The following ACBD6 variants were observed in gnomAD, a reference collection of about 807,000 sequenced individuals.
ACBD6 encodes acyl-CoA binding domain containing 6.
Under a neutral mutation model 37.2 loss-of-function variants are expected in ACBD6, and 28 were observed. The ratio of observed to expected loss-of-function variants is 0.75; its 90% CI spans 0.56 to 1.03. The LOEUF is 1.03. Ranked by LOEUF, ACBD6 falls within the 50% of genes least tolerant of loss-of-function variation. The pLI is 0.00. For missense variants in ACBD6, 340 were observed against 337.4 expected (o/e 1.01, Z -0.06); for synonymous variants, 113 against 126.8 (o/e 0.89, Z 0.73).
At chr1:180,432,871 C>T (rs1407021181) in intron 3 of ACBD6, among the ~76,000 whole-genome samples, 2 of 151,700 alleles carry the variant, frequency 1.3e-5, no homozygotes, top group African/African-American at 4.8e-5. Context: ...AATCAAAAAT[C>T]TGACAGACCT....
At chr1:180,338,371 C>T (rs1313347453) in intron 6 of ACBD6, among the ~76,000 whole-genome samples, 5 of 152,124 alleles carry the variant, frequency 3.3e-5, no homozygotes, top group Admixed American at 2.6e-4. Context: ...AGAAATAATG[C>T]CACACATCTA....
At chr1:180,458,943 A>C (rs1571538644) in intron 3 of ACBD6, among the ~76,000 whole-genome samples, 1 of 152,312 alleles carries the variant, frequency 6.6e-6, no homozygotes, top group South Asian at 2.1e-4. Flanking sequence ...ATGCAGTACA[A>C]TCACACTTAG....
chr1:180,394,934 A>AT (rs1397674479), intron 6 of ACBD6, among the ~76,000 whole-genome samples: 1 of 152,214 alleles, frequency 6.6e-6, no homozygotes, highest in Non-Finnish European at 1.5e-5. Context: ...TCCTTACTAT[A>AT]TAAAAAGTTC....
chr1:180,425,855 G>A (rs1487104234), intron 4 of ACBD6, among the ~76,000 whole-genome samples: 9 of 152,042 alleles, frequency 5.9e-5, no homozygotes, highest in Admixed American at 4.6e-4. Context: ...ATTTCACCAA[G>A]AATACAAAAT....
At chr1:180,320,063 T>C (rs1651000237) in intron 6 of ACBD6, among the ~76,000 whole-genome samples, 1 of 152,206 alleles carries the variant, frequency 6.6e-6, no homozygotes, top group Non-Finnish European at 1.5e-5. Flanking sequence ...TATTTTTAGT[T>C]GTTTGAGAAA....
At chr1:180,431,679 T>C (rs551163020) in intron 3 of ACBD6, among the ~76,000 whole-genome samples, 59 of 152,270 alleles carry the variant, frequency 3.9e-4, no homozygotes, top group Middle Eastern at 3.4e-3. Flanking sequence ...TCCAAATACA[T>C]GTTCCATTGA....
intron 6 of ACBD6, among the ~76,000 whole-genome samples, chr1:180,370,469 A>G (rs186491924): frequency 2.6e-4 from 40 of 152,356 alleles, no homozygotes; most frequent in African/African-American, 9.1e-4. Flanking sequence ...TTGAAGAAAC[A>G]GAAAACATGG....
chr1:180,432,536 G>T (rs1648853948), intron 3 of ACBD6, among the ~76,000 whole-genome samples: 1 of 151,982 alleles, frequency 6.6e-6, no homozygotes. Context: ...AAATGCAAAT[G>T]AAAACAAAAA....
rs184258784 is a variant in ACBD6, at chr1:180,463,405, C to T, written c.384+28864G>A. ...CTGACCCCACAGAAATACAAATGAC[C>T]ATCAGAGAATATTACAAATACCTCT... On this transcript the variant is annotated intron_variant, in intron 3 of 7. Transcript: ENST00000367595. Among the ~76,000 whole-genome samples, 5 of 152,072 alleles carry T rather than the reference C, an allele frequency of 3.3e-5. No individual in the cohort carries two copies. The East Asian group carries it at 7.7e-4, about 23-fold the overall frequency.
At chr1:180,466,492 T>C (rs1160915245) in intron 3 of ACBD6, among the ~76,000 whole-genome samples, 1 of 152,194 alleles carries the variant, frequency 6.6e-6, no homozygotes, top group Non-Finnish European at 1.5e-5. Flanking sequence ...GGCAGTTTGA[T>C]TATAGTGTTC....
At chr1:180,376,526 TG>T (rs1653441526) in intron 6 of ACBD6, among the ~76,000 whole-genome samples, 1 of 152,142 alleles carries the variant, frequency 6.6e-6, no homozygotes, top group African/African-American at 2.4e-5. Flanking sequence ...TGAAGTGATA[TG>T]GAGTAACTCT....
At chr1:180,462,702 A>G (rs1650197900) in intron 3 of ACBD6, among the ~76,000 whole-genome samples, 1 of 152,166 alleles carries the variant, frequency 6.6e-6, no homozygotes, top group African/African-American at 2.4e-5. Context: ...GAAATTCAGG[A>G]CCTGAACTCA....
intron 6 of ACBD6, among the ~76,000 whole-genome samples, chr1:180,322,846 T>C (rs992471659): frequency 9.2e-5 from 14 of 151,634 alleles, no homozygotes; most frequent in Admixed American, 7.9e-4. Flanking sequence ...TTCAGTTTGA[T>C]TTATTTATTT....
chr1:180,274,273 C>G (rs779152539), intron 10 of ACBD6: 1 of 1,614,088 alleles, frequency 6.2e-7, no homozygotes, highest in African/African-American at 1.3e-5. Flanking sequence ...TGAATGGGAG[C>G]TTCTCCATGG....
At chr1:180,488,252 T>C (rs978800678) in intron 3 of ACBD6, among the ~76,000 whole-genome samples, 2 of 152,092 alleles carry the variant, frequency 1.3e-5, no homozygotes, top group Non-Finnish European at 2.9e-5. Flanking sequence ...AAAAAAAACT[T>C]ATCCTCCCCC....
chr1:180,478,886 G>T (rs1037446587), intron 3 of ACBD6, among the ~76,000 whole-genome samples: 17 of 152,114 alleles, frequency 1.1e-4, no homozygotes, highest in African/African-American at 3.9e-4. Flanking sequence ...CCAGCACTTT[G>T]AGAGGCCAAG....
intron 3 of ACBD6, among the ~76,000 whole-genome samples, chr1:180,465,535 A>G (rs553833281): frequency 3.3e-5 from 5 of 152,192 alleles, no homozygotes; most frequent in Non-Finnish European, 7.4e-5. Flanking sequence ...GGTTTCAGAG[A>G]AAAGGAAACC....
chr1:180,451,203 T>TA (rs1194774082), intron 3 of ACBD6, among the ~76,000 whole-genome samples: 6 of 152,300 alleles, frequency 3.9e-5, no homozygotes, highest in African/African-American at 1.4e-4. Flanking sequence ...CACAACAAGA[T>TA]ACCATTTCAG....
At chr1:180,373,886 G>A (rs1653345216) in intron 6 of ACBD6, among the ~76,000 whole-genome samples, 1 of 152,058 alleles carries the variant, frequency 6.6e-6, no homozygotes, top group Non-Finnish European at 1.5e-5. Flanking sequence ...TTTTGATGTA[G>A]TAAAAACCCT....
Sources: allele counts gnomAD v4.1 joint callset (sites outside exome capture counted in the v4.1 genomes callset), GRCh38; gene constraint gnomAD v4.1.1; transcripts MANE v1.5; gene names NCBI Gene and HGNC (gene_info 2026-07-23, HGNC 2026-07-21).